ESYT2: variants seen among roughly 807,000 people sequenced by gnomAD.
ESYT2 encodes extended synaptotagmin-2.
ESYT2 carries 54 observed loss-of-function variants against 107.2 expected under a neutral mutation model. The observed-to-expected ratio is 0.50, with a 90% confidence interval of 0.40 to 0.63. ESYT2 has a LOEUF of 0.63. Ranked by LOEUF, ESYT2 falls within the 30% of genes least tolerant of loss-of-function variation. ESYT2 has a pLI of 0.00. For synonymous variants in ESYT2, 491 were observed against 434.1 expected (o/e 1.13, Z -1.63); for missense variants, 1,020 against 1,094.5 (o/e 0.93, Z 0.96).
At chr7:158,734,501 A>T in intron 21 of ESYT2, 30 bp from the exon 22 acceptor site, 1 of 1,604,628 alleles carries the variant, frequency 6.2e-7, no homozygotes, top group Non-Finnish European at 8.5e-7. Flanking sequence ...CAGTTAAAGT[A>T]GGCTGGGCTG....
rs73729980 is a variant in ESYT2, at chr7:158,751,881, G to A, written c.1482+900C>T. ...GTAATTCCTTTCAATGTTCTGGAGG[G>A]CACAGTTATTTCAACTACTGTGCTA... On this transcript the variant is annotated intron_variant, in intron 14 of 22. Coordinates refer to ENST00000275418, the MANE Select transcript of ESYT2 (RefSeq NM_001367773.1). Among the ~76,000 whole-genome samples the A allele has an allele frequency of 7.1e-3, 1,086 of 152,280 alleles. 16 individuals carry two copies. Among genetic ancestry groups the A allele is most frequent in the African/African-American group, 0.025 (1,041 of 41,536 alleles).
intron 1 of ESYT2, among the ~76,000 whole-genome samples, chr7:158,813,439 G>C (rs1016994511): frequency 6.6e-6 from 1 of 152,000 alleles, no homozygotes; most frequent in African/African-American, 2.4e-5. Context: ...ATATCAACTC[G>C]GGCTCATTAG....
Position 158,732,729 on chromosome 7 carries a change from C to T in ESYT2, c.*1478G>A, listed in dbSNP as rs1259341587. ...TTTGTTTGGTCATGTGAGTTACCCACAAGTTGTATAGTTCCATGAAACAAG... is the reference window on the plus strand; with the variant it reads ...TTTGTTTGGTCATGTGAGTTACCCATAAGTTGTATAGTTCCATGAAACAAG... On this transcript the variant is annotated 3_prime_UTR_variant, in exon 23 of 23. Transcript: ENST00000275418. The T allele has an allele frequency of 6.6e-6, 1 of 152,664 alleles. No homozygotes were observed. The highest frequency in any genetic ancestry group is 1.9e-4 in the East Asian group (1 of 5,202). 9.5% of individuals were successfully genotyped at this position (152,664 alleles called of 1,614,324 possible). A position where few individuals can be genotyped will look rare whatever the true frequency, so the allele number is the denominator to read the frequency against.
At chr7:158,764,184 G>A (rs1236590642) in intron 9 of ESYT2, among the ~76,000 whole-genome samples, 2 of 152,156 alleles carry the variant, frequency 1.3e-5, no homozygotes, top group Non-Finnish European at 2.9e-5. Context: ...GTACAGCATT[G>A]TTTGTAATGC....
Position 158,829,193 on chromosome 7 carries a change from T to C in ESYT2, c.226A>G (p.Ser76Gly). The C allele has an allele frequency of 6.5e-7, 1 of 1,534,160 alleles. No individual in the cohort carries two copies. The highest frequency in any genetic ancestry group is 8.7e-7 in the Non-Finnish European group (1 of 1,148,482). ...ALALLAWCRR[S>G]RGLKALRLCR... ...AGGCGCAGGGCCTTGAGGCCGCGGCTGCGGCGACACCAGGCGAGCAGCGCG... is the reference window on the plus strand; with the variant it reads ...AGGCGCAGGGCCTTGAGGCCGCGGCCGCGGCGACACCAGGCGAGCAGCGCG... Residue 76 changes from serine (S) to glycine (G), a missense_variant, in exon 1 of 23, where the codon AGC becomes GGC. Physicochemically the swap from Ser to Gly is moderately conservative, Grantham distance 56 (BLOSUM62 0). Coordinates refer to ENST00000275418, the MANE Select transcript of ESYT2 (RefSeq NM_001367773.1).
In ESYT2 at chr7:158,829,491, C is replaced by T. The variant is rs1214062016; in HGVS notation, c.-73G>A. On this transcript the variant is annotated 5_prime_UTR_variant, in exon 1 of 23. Transcript: ENST00000275418. ...TCGCGCTGATCCCGGGCGGCTCAGC[C>T]CCGCGCCAGCGCCCCTCTGAGGGGA... The T allele has an allele frequency of 2.4e-6, 3 of 1,235,590 alleles. No homozygotes were observed. Among genetic ancestry groups the T allele is most frequent in the East Asian group, 3.4e-5 (1 of 29,734 alleles). The allele number at this position is 1,235,590 out of a possible 1,614,324, so 76.5% of individuals were successfully genotyped here.
At chr7:158,788,294 T>C in intron 5 of ESYT2, 51 bp downstream of exon 5, 1 of 1,522,702 alleles carries the variant, frequency 6.6e-7, no homozygotes, top group Non-Finnish European at 8.9e-7. Flanking sequence ...GAATACAGCT[T>C]AGAGAACTTT....
intron 9 of ESYT2, among the ~76,000 whole-genome samples, chr7:158,763,573 G>A (rs2129472202): frequency 6.6e-6 from 1 of 152,268 alleles, no homozygotes. Flanking sequence ...GGGATTACCA[G>A]TGTGAGCCAC....
At chr7:158,770,856 T>C (rs781118709) in intron 7 of ESYT2, among the ~76,000 whole-genome samples, 6 of 152,040 alleles carry the variant, frequency 3.9e-5, no homozygotes, top group African/African-American at 1.4e-4. Flanking sequence ...AATCTACATA[T>C]AAAACAAGAG....
Position 158,801,777 on chromosome 7 carries a change from A to G in ESYT2, c.331-2705T>C, listed in dbSNP as rs561803667. On this transcript the variant is annotated intron_variant, in intron 1 of 22. Coordinates refer to ENST00000275418, the MANE Select transcript of ESYT2 (RefSeq NM_001367773.1). ...ATATTTGAGTTGACACCACCCGCAAAAATCTCTTTAATGTTATCTTTTAAA... is the reference window on the plus strand; with the variant it reads ...ATATTTGAGTTGACACCACCCGCAAGAATCTCTTTAATGTTATCTTTTAAA... 9.1e-4 allele frequency among the ~76,000 whole-genome samples: 138 copies of G among 152,316 alleles called. 1 individual carries two copies. Among genetic ancestry groups the G allele is most frequent in the South Asian group, 2.3e-3 (11 of 4,832 alleles).
intron 11 of ESYT2, among the ~76,000 whole-genome samples, chr7:158,761,215 T>C (rs768520414): frequency 1.3e-5 from 2 of 152,228 alleles, no homozygotes; most frequent in Non-Finnish European, 2.9e-5. Context: ...GGGGATCGCA[T>C]ATTTGTCTGC....
At chr7:158,770,013 C>T (rs2129472442) in intron 7 of ESYT2, among the ~76,000 whole-genome samples, 1 of 152,148 alleles carries the variant, frequency 6.6e-6, no homozygotes, top group Non-Finnish European at 1.5e-5. Flanking sequence ...CAACCTCCAC[C>T]TCCCGAGTAG....
intron 1 of ESYT2, among the ~76,000 whole-genome samples, chr7:158,823,256 C>T (rs1298054393): frequency 8.0e-6 from 1 of 125,666 alleles, no homozygotes; most frequent in Non-Finnish European, 1.6e-5. Flanking sequence ...GATGGTGCCA[C>T]TGTGCCCCAG....
chr7:158,774,732 C>A (rs842450), intron 6 of ESYT2, among the ~76,000 whole-genome samples: 99,238 of 152,118 alleles, frequency 0.65, 34,736 homozygotes, highest in Non-Finnish European at 0.78. Flanking sequence ...CACAAATCTA[C>A]ATCAGGAAGT....
chr7:158,757,124 T>C (rs1323675249), intron 13 of ESYT2, among the ~76,000 whole-genome samples: 1 of 152,052 alleles, frequency 6.6e-6, no homozygotes, highest in Non-Finnish European at 1.5e-5. Context: ...GCCAGGGTTG[T>C]TCATCTCATG....
At chr7:158,764,041 C>G (rs1838069100) in intron 9 of ESYT2, among the ~76,000 whole-genome samples, 1 of 152,162 alleles carries the variant, frequency 6.6e-6, no homozygotes, top group African/African-American at 2.4e-5. Context: ...AATCACACGA[C>G]TGTCCTGAAG....
Position 158,764,852 on chromosome 7 carries a change from C to T in ESYT2, c.926G>A (p.Gly309Asp), listed in dbSNP as rs369196893. The T allele has an allele frequency of 7.3e-5, 117 of 1,612,728 alleles. No homozygotes were observed. Among genetic ancestry groups the T allele is most frequent in the Non-Finnish European group, 9.8e-5 (115 of 1,179,484 alleles). Residue 309 changes from glycine to aspartate, a missense_variant and splice_region_variant, in exon 9 of 23, where the codon GGT becomes GAT. Transcript: ENST00000275418. ...TTCAATAAAATGTATCCTTAGAACA[C>T]CCTGAAAAGAAGAACAAACTGAAGT... ...IAQLRFPVPK[G>D]VLRIHFIEAQ...
chr7:158,735,724 T>A, intron 20 of ESYT2, 116 bp from the exon 21 acceptor site: 1 of 893,788 alleles, frequency 1.1e-6, no homozygotes, highest in Non-Finnish European at 1.7e-6. Context: ...TTTTTTATTA[T>A]AAAACTGAGT....
chr7:158,747,993 G>C lies in ESYT2; in HGVS notation c.1644+201C>G, dbSNP rs111723887. Among the ~76,000 whole-genome samples, 774 of 152,308 alleles carry C rather than the reference G, an allele frequency of 5.1e-3. 4 individuals are homozygous for C. Among genetic ancestry groups the C allele is most frequent in the African/African-American group, 0.018 (743 of 41,574 alleles). On this transcript the variant is annotated intron_variant, in intron 16 of 22. Coordinates refer to ENST00000275418, the MANE Select transcript of ESYT2 (RefSeq NM_001367773.1). ...ATTTGTATAAAATCCTGGAAAATGT[G>C]AACAGTAATCTACAGTGACCAAAGG...
Sources: gnomAD v4.1 joint callset for allele counts (sites outside exome capture counted in the v4.1 genomes callset) on GRCh38, gnomAD v4.1.1 for gene constraint, MANE v1.5 for transcripts, NCBI Gene and HGNC (gene_info 2026-07-23, HGNC 2026-07-21) for gene names.